OSBPL10: variants seen among roughly 807,000 people sequenced by gnomAD.
OSBPL10 encodes oxysterol-binding protein-related protein 10.
OSBPL10 carries 49 observed loss-of-function variants against 81.7 expected under a neutral mutation model. That is an observed-to-expected ratio of 0.60 (90% CI 0.48 to 0.76). OSBPL10 has a LOEUF of 0.76. Ranked by LOEUF, OSBPL10 falls within the 30% of genes least tolerant of loss-of-function variation. OSBPL10 has a pLI of 0.00. For synonymous variants in OSBPL10, 419 were observed against 383.6 expected, an observed-to-expected ratio of 1.09 and a Z score of -1.08; for missense variants, 923 against 987.8, an observed-to-expected ratio of 0.93 and a Z score of 0.88.
At chr3:32,024,300 A>C (rs961837918) in intron 2 of OSBPL10, among the ~76,000 whole-genome samples, 1 of 152,152 alleles carries the variant, frequency 6.6e-6, no homozygotes, top group Non-Finnish European at 1.5e-5. Context: ...AATTTAGGGA[A>C]AATCACCCTT....
At chr3:31,917,819 T>C (rs1171559862) in intron 1 of OSBPL10, among the ~76,000 whole-genome samples, 1 of 151,442 alleles carries the variant, frequency 6.6e-6, no homozygotes, top group African/African-American at 2.4e-5. Context: ...ACTTTGCTCC[T>C]CGGTTTTGTT....
intron 1 of OSBPL10, among the ~76,000 whole-genome samples, chr3:31,929,193 G>C (rs1697165519): frequency 6.6e-6 from 1 of 152,178 alleles, no homozygotes; most frequent in South Asian, 2.1e-4. Context: ...AAAAAAGATA[G>C]AGATGGATGC....
chr3:31,978,341 G>A (rs1369002139), intron 1 of OSBPL10, among the ~76,000 whole-genome samples: 1 of 152,218 alleles, frequency 6.6e-6, no homozygotes, highest in Non-Finnish European at 1.5e-5. Context: ...CCTGGACCAG[G>A]GAAGGGTGGT....
rs75398830 is a variant in OSBPL10 at position 31,978,585 on chromosome 3, C to G, written c.281+2314G>C. On this transcript the variant is annotated intron_variant, in intron 1 of 11. Transcript: ENST00000396556. ...CACTAATGGACCCTCAGCCATCGTT[C>G]AAAGAACAAAATGTGGGAAATAGAA... Among the ~76,000 whole-genome samples the G allele has an allele frequency of 9.2e-3, 1,404 of 152,194 alleles. 60 individuals are homozygous for G. The East Asian group carries it at 0.15, about 16-fold the overall frequency.
chr3:31,737,667 A>G (rs1697222507), intron 5 of OSBPL10, among the ~76,000 whole-genome samples: 1 of 152,192 alleles, frequency 6.6e-6, no homozygotes, highest in Non-Finnish European at 1.5e-5. Context: ...TGCAGTTGCA[A>G]AAGACACAGA....
At chr3:31,718,548 A>G (rs1334693207) in intron 6 of OSBPL10, among the ~76,000 whole-genome samples, 9 of 152,194 alleles carry the variant, frequency 5.9e-5, no homozygotes, top group Admixed American at 5.9e-4. Context: ...TCCTGAACAC[A>G]TCTTCATCCC....
chr3:31,687,389 T>C (rs769506532), intron 7 of OSBPL10, among the ~76,000 whole-genome samples: 2 of 152,176 alleles, frequency 1.3e-5, no homozygotes, highest in African/African-American at 2.4e-5. Context: ...TCTCTAGTGA[T>C]GTACTTTTGA....
intron 4 of OSBPL10, among the ~76,000 whole-genome samples, chr3:31,757,304 A>T (rs1228395044): frequency 6.6e-6 from 1 of 152,142 alleles, no homozygotes; most frequent in Non-Finnish European, 1.5e-5. Flanking sequence ...TTCTTATAAA[A>T]AGGGGAAATT....
rs575340166 is a variant in OSBPL10, at chr3:31,813,769, C to G, written c.729+16271G>C. ...TGCTCCCACCTGCCATGAGCCTGAG[C>G]ATGTGCCTTGGCCCTCTCTAAGCCC... On this transcript the variant is annotated intron_variant, in intron 4 of 11. Coordinates refer to ENST00000396556, the MANE Select transcript of OSBPL10 (RefSeq NM_017784.5). Among the ~76,000 whole-genome samples, 26 of 152,306 alleles carry G rather than the reference C, an allele frequency of 1.7e-4. No individual in the cohort carries two copies. The South Asian group carries it at 5.4e-3, about 32-fold the overall frequency.
chr3:31,741,100 T>G (rs928405680), intron 5 of OSBPL10, among the ~76,000 whole-genome samples: 2 of 152,152 alleles, frequency 1.3e-5, no homozygotes, highest in Admixed American at 1.3e-4. Context: ...TGCAAGGTCT[T>G]TCCTCTTCCT....
At chr3:31,682,771 G>T (rs997499570) in intron 8 of OSBPL10, among the ~76,000 whole-genome samples, 6 of 152,252 alleles carry the variant, frequency 3.9e-5, no homozygotes, top group Non-Finnish European at 7.4e-5. Context: ...CATCAGAACA[G>T]ATCTTTTTTG....
At chr3:31,900,352 C>G (rs139050017) in intron 1 of OSBPL10, among the ~76,000 whole-genome samples, 213 of 152,272 alleles carry the variant, frequency 1.4e-3, no homozygotes, top group African/African-American at 4.9e-3. Flanking sequence ...AAAAAACAAA[C>G]CATTTACCAT....
chr3:31,802,843 T>C (rs1699419010), intron 4 of OSBPL10, among the ~76,000 whole-genome samples: 1 of 152,144 alleles, frequency 6.6e-6, no homozygotes, highest in Non-Finnish European at 1.5e-5. Flanking sequence ...ATAGCCAGGG[T>C]TGACCCAGGA....
intron 2 of OSBPL10, among the ~76,000 whole-genome samples, chr3:32,035,352 A>T (rs1274678913): frequency 4.6e-5 from 7 of 152,156 alleles, no homozygotes; most frequent in Admixed American, 2.0e-4. Flanking sequence ...ACTGGAGCTC[A>T]AGAGTTCGAG....
chr3:31,947,109 CAGAA>C (rs937684815), intron 1 of OSBPL10, among the ~76,000 whole-genome samples: 8 of 152,142 alleles, frequency 5.3e-5, no homozygotes, highest in African/African-American at 1.9e-4. Context: ...CAGCAGTAAT[CAGAA>C]TGATTCACTA....
At chr3:31,691,111 C>T (rs539753157) in intron 7 of OSBPL10, among the ~76,000 whole-genome samples, 5 of 151,978 alleles carry the variant, frequency 3.3e-5, no homozygotes, top group South Asian at 2.1e-4. Context: ...GTGGATTTAC[C>T]GAGCCATCAA....
chr3:32,026,179 C>A (rs1051669457), intron 2 of OSBPL10, among the ~76,000 whole-genome samples: 2 of 151,904 alleles, frequency 1.3e-5, no homozygotes. Context: ...ACTCTGTGCC[C>A]CAAGCTGGGG....
intron 4 of OSBPL10, among the ~76,000 whole-genome samples, chr3:31,782,931 C>T (rs1189921625): frequency 6.6e-6 from 1 of 151,830 alleles, no homozygotes; most frequent in Non-Finnish European, 1.5e-5. Context: ...GCAATGCCAC[C>T]ACTAGGTATC....
chr3:32,035,890 T>C (rs758301898), intron 2 of OSBPL10, among the ~76,000 whole-genome samples: 29 of 152,222 alleles, frequency 1.9e-4, no homozygotes, highest in Admixed American at 4.6e-4. Context: ...CTACCATCTA[T>C]CTCCAGAACT....
Sources: gnomAD v4.1 joint callset for allele counts (sites outside exome capture counted in the v4.1 genomes callset) on GRCh38, gnomAD v4.1.1 for gene constraint, MANE v1.5 for transcripts, NCBI Gene and HGNC (gene_info 2026-07-23, HGNC 2026-07-21) for gene names.